The following RC3H2 variants were observed in gnomAD, a reference collection of about 807,000 sequenced individuals.
The protein encoded by RC3H2 is roquin-2.
In RC3H2, 31 loss-of-function variants were observed where a neutral mutation model predicts 133.3. The ratio of observed to expected loss-of-function variants is 0.23; its 90% confidence interval spans 0.17 to 0.31. The LOEUF (loss-of-function observed/expected upper bound fraction) is 0.31, where lower values mean the gene tolerates loss of function less well. Among genes scored for constraint, RC3H2 ranks in the 10% least tolerant of loss-of-function variants. The pLI is 1.00. For missense variants in RC3H2, 1,175 were observed against 1,437.2 expected (o/e 0.82, Z 2.95); for synonymous variants, 517 against 502.2 (o/e 1.03, Z -0.40).
chr9:122,859,227 T>G, intron 11 of RC3H2, 125 bp from the exon 12 acceptor site: 3 of 619,590 alleles, frequency 4.8e-6, no homozygotes, highest in Non-Finnish European at 7.4e-6. Context: ...TACCTTACCC[T>G]GCTTTATAAA....
At chr9:122,902,211 G>A (rs1459410134) in intron 1 of RC3H2, among the ~76,000 whole-genome samples, 7 of 152,076 alleles carry the variant, frequency 4.6e-5, no homozygotes, top group Non-Finnish European at 7.4e-5. Context: ...GATTACAGGC[G>A]TGAGCCACCG....
intron 3 of RC3H2, among the ~76,000 whole-genome samples, chr9:122,891,012 A>ATT (rs10571749): frequency 2.2e-4 from 16 of 72,816 alleles, no homozygotes; most frequent in African/African-American, 5.0e-4. Context: ...AATCTGCCCC[A>ATT]TTTTTTTTTT....
rs1830902686 is a variant in RC3H2, at chr9:122,868,866, TG to T, written c.1326-3210del. On this transcript the variant is annotated intron_variant, in intron 9 of 20. Coordinates refer to ENST00000357244, the MANE Select transcript of RC3H2 (RefSeq NM_001100588.3). ...GTGTGTGTGTGTGTGTGTGTGTGTG[TG>T]TGTGTGTGTGTGTGTGTGTGTGTAT... 3.0e-5 allele frequency among the ~76,000 whole-genome samples: 2 copies of T among 66,782 alleles called. 1 individual carries two copies. Among genetic ancestry groups the T allele is most frequent in the African/African-American group, 8.3e-5 (2 of 24,178 alleles). The allele number at this position is 66,782 out of a possible 152,430, so 43.8% of individuals were successfully genotyped here.
intron 4 of RC3H2, among the ~76,000 whole-genome samples, chr9:122,884,113 T>A (rs1244000368): frequency 1.3e-5 from 2 of 151,942 alleles, no homozygotes; most frequent in East Asian, 3.9e-4. Context: ...GCTAACATGG[T>A]GAAACCCCGC....
chr9:122,876,807 G>C lies in RC3H2; in HGVS notation c.1325+664C>G, dbSNP rs550669685. Among the ~76,000 whole-genome samples, 6 of 152,060 alleles carry C rather than the reference G, an allele frequency of 3.9e-5. No homozygotes were observed. In the East Asian group the frequency reaches 1.2e-3, roughly 29 times the overall value. ...TCTCGGGTAAAGGGACATAGAAAAA[G>C]GGGTTAACCATAGGAGAAGAGAAAG... On this transcript the variant is annotated intron_variant, in intron 9 of 20. Transcript: ENST00000357244.
intron 9 of RC3H2, among the ~76,000 whole-genome samples, chr9:122,872,739 C>T (rs576371821): frequency 1.8e-4 from 28 of 152,266 alleles, no homozygotes; most frequent in South Asian, 1.7e-3. Flanking sequence ...CGTGCACCAC[C>T]ATGCCCGGCT....
chr9:122,893,265 A>G (rs1313621414), intron 2 of RC3H2, among the ~76,000 whole-genome samples: 1 of 152,154 alleles, frequency 6.6e-6, no homozygotes, highest in Non-Finnish European at 1.5e-5. Flanking sequence ...AGGCCAAGCC[A>G]GCAGATTAAC....
At chr9:122,886,681 C>A (rs1271614303) in intron 4 of RC3H2, among the ~76,000 whole-genome samples, 2 of 152,202 alleles carry the variant, frequency 1.3e-5, no homozygotes, top group Non-Finnish European at 2.9e-5. Context: ...TGGAGCAAGA[C>A]CCTGTCTCTA....
chr9:122,865,681 T>A (rs752720361), intron 9 of RC3H2, 24 bp from the exon 10 acceptor site: 1 of 1,588,752 alleles, frequency 6.3e-7, no homozygotes, highest in South Asian at 1.1e-5. Flanking sequence ...AATCAACAGA[T>A]TGGTGAATAT....
In RC3H2 at chr9:122,905,259, C is replaced by T; in HGVS notation, c.-217G>A. Reference sequence around the variant, plus strand: ...CCATCGGGAGCTACAGGGACAGCCCCGTTGGCGGCGGCGAAGGCCGCGACG... The same window carrying T: ...CCATCGGGAGCTACAGGGACAGCCCTGTTGGCGGCGGCGAAGGCCGCGACG... On this transcript the variant is annotated 5_prime_UTR_variant, in exon 1 of 21. Coordinates refer to ENST00000357244, the MANE Select transcript of RC3H2 (RefSeq NM_001100588.3). 2.3e-5 allele frequency: 23 copies of T among 985,930 alleles called. No individual in the cohort carries two copies. Among genetic ancestry groups the T allele is most frequent in the Non-Finnish European group, 2.8e-5 (23 of 830,250 alleles). The allele number at this position is 985,930 out of a possible 1,614,324, so 61.1% of individuals were successfully genotyped here.
At chr9:122,892,257 G>A (rs1832210388) in intron 3 of RC3H2, among the ~76,000 whole-genome samples, 1 of 152,046 alleles carries the variant, frequency 6.6e-6, no homozygotes. Flanking sequence ...GACTACAGGC[G>A]TGTGTCACCA....
Position 122,864,770 on chromosome 9 carries a change from G to C in RC3H2, c.1634+579C>G, listed in dbSNP as rs368781093. On this transcript the variant is annotated intron_variant, in intron 10 of 20. Transcript: ENST00000357244. Reference sequence around the variant, plus strand: ...TGAGTAGCTGGGACTACATATGCCCGCCACCATGCCCGGCTAATTTTTTTT... The same window carrying C: ...TGAGTAGCTGGGACTACATATGCCCCCCACCATGCCCGGCTAATTTTTTTT... Among the ~76,000 whole-genome samples the C allele has an allele frequency of 1.9e-4, 29 of 152,022 alleles. No individual in the cohort carries two copies. The South Asian group carries it at 5.4e-3, about 28-fold the overall frequency.
intron 5 of RC3H2, among the ~76,000 whole-genome samples, chr9:122,881,933 T>C (rs755031882): frequency 2.6e-5 from 4 of 152,184 alleles, no homozygotes; most frequent in Non-Finnish European, 4.4e-5. Context: ...ATCCAGCTAA[T>C]AGGTAGGCAT....
At chr9:122,869,982 C>G (rs1483203521) in intron 9 of RC3H2, among the ~76,000 whole-genome samples, 2 of 152,188 alleles carry the variant, frequency 1.3e-5, no homozygotes, top group African/African-American at 2.4e-5. Flanking sequence ...CCAAAGATCC[C>G]TATGCCTTCC....
At chr9:122,874,735 G>A (rs1278639359) in intron 9 of RC3H2, 1 of 156,612 alleles carries the variant, frequency 6.4e-6, no homozygotes, top group Non-Finnish European at 1.4e-5. Flanking sequence ...GCCCAGGCTG[G>A]TCTCAAACTC....
intron 10 of RC3H2, among the ~76,000 whole-genome samples, chr9:122,863,828 C>T (rs1204848211): frequency 6.6e-6 from 1 of 152,164 alleles, no homozygotes; most frequent in Non-Finnish European, 1.5e-5. Context: ...CCTCCACCTC[C>T]CAGGTTCAAG....
chr9:122,881,610 G>A (rs1324452776), intron 5 of RC3H2, among the ~76,000 whole-genome samples: 2 of 152,126 alleles, frequency 1.3e-5, no homozygotes, highest in Admixed American at 6.6e-5. Context: ...TATATACTAC[G>A]GCAGGGAATT....
chr9:122,862,052 T>A (rs1482345499), intron 10 of RC3H2, among the ~76,000 whole-genome samples: 1 of 152,234 alleles, frequency 6.6e-6, no homozygotes, highest in Non-Finnish European at 1.5e-5. Flanking sequence ...GGTCCCTCCA[T>A]GTCAAAATGT....
intron 18 of RC3H2, 200 bp from the exon 19 acceptor site, chr9:122,851,636 G>C: frequency 1.6e-6 from 1 of 636,064 alleles, no homozygotes; most frequent in Non-Finnish European, 2.5e-6. Context: ...GCCTGCAATT[G>C]CAGGCGCGCG....
Sources: gnomAD v4.1 joint callset for allele counts (sites outside exome capture counted in the v4.1 genomes callset) on GRCh38, gnomAD v4.1.1 for gene constraint, MANE v1.5 for transcripts, NCBI Gene and HGNC (gene_info 2026-07-23, HGNC 2026-07-21) for gene names.